Variants in UNC93A observed in about 807,000 individuals in gnomAD.
The protein encoded by UNC93A is N-acetylglucosamine transporter UNC93A.
UNC93A carries 43 observed loss-of-function variants against 47.5 expected under a neutral mutation model. The ratio of observed to expected loss-of-function variants is 0.91; its 90% confidence interval spans 0.71 to 1.17. The LOEUF is 1.17. Among genes scored for constraint, UNC93A ranks in the 50% most tolerant of loss-of-function variants. The probability of loss-of-function intolerance (pLI) is 0.00; values close to 1 mark genes in which losing one functional copy is unlikely to be tolerated. For missense variants in UNC93A, 605 were observed against 577.6 expected, an observed-to-expected ratio of 1.05 and a Z score of -0.49; for synonymous variants, 280 against 258.0, an observed-to-expected ratio of 1.09 and a Z score of -0.82.
intron 1 of UNC93A, among the ~76,000 whole-genome samples, chr6:167,285,952 CTCTCTCTCTA>C (rs1783721323): frequency 7.1e-6 from 1 of 140,756 alleles, no homozygotes; most frequent in African/African-American, 2.6e-5. Flanking sequence ...CTCTCTCTCT[CTCTCTCTCTA>C]TATATATATA....
In UNC93A at chr6:167,305,930, A is replaced by G; in HGVS notation, c.856A>G (p.Thr286Ala). ...SEYTRSYVTC[T>A]LGIQFVGYVM... Reference sequence around the variant, plus strand: ...CTCTCCCCAGTCCTATGTCACCTGCACCCTGGGCATCCAGTTCGTCGGCTA... The same window carrying G: ...CTCTCCCCAGTCCTATGTCACCTGCGCCCTGGGCATCCAGTTCGTCGGCTA... Residue 286 changes from threonine to alanine, a missense_variant, in exon 6 of 8, where the codon ACC becomes GCC. Transcript: ENST00000230256. 1 of 1,614,068 alleles carries G rather than the reference A, an allele frequency of 6.2e-7. No individual in the cohort carries two copies.
intron 7 of UNC93A, among the ~76,000 whole-genome samples, chr6:167,312,847 A>C (rs1778596616): frequency 6.6e-6 from 1 of 152,210 alleles, no homozygotes; most frequent in African/African-American, 2.4e-5. Flanking sequence ...TAAAATAGGA[A>C]CCAAATCTTG....
intron 6 of UNC93A, 75 bp from the exon 7 acceptor site, chr6:167,307,704 C>G (rs377058096): frequency 5.7e-4 from 856 of 1,512,802 alleles, no homozygotes; most frequent in Non-Finnish European, 7.1e-4. Context: ...TGCTCCAGCA[C>G]TGACCCACCT....
intron 1 of UNC93A, among the ~76,000 whole-genome samples, chr6:167,280,263 T>C (rs1308501590): frequency 1.3e-5 from 2 of 152,148 alleles, no homozygotes; most frequent in Non-Finnish European, 2.9e-5. Context: ...TGAGCTCAGA[T>C]GGTGCCTTCA....
intron 1 of UNC93A, among the ~76,000 whole-genome samples, chr6:167,281,853 C>T (rs1357867229): frequency 6.6e-6 from 1 of 152,148 alleles, no homozygotes; most frequent in African/African-American, 2.4e-5. Flanking sequence ...GACTCTCAGG[C>T]TCACCCCTTG....
At chr6:167,276,415 A>G (rs1422301924) in intron 1 of UNC93A, among the ~76,000 whole-genome samples, 1 of 152,090 alleles carries the variant, frequency 6.6e-6, no homozygotes. Context: ...GGTTTTTTTG[A>G]GGAATCTCCA....
Position 167,315,702 on chromosome 6 carries a change from A to C in UNC93A, c.*250A>C. ...ATTTAATTTTAGATGCAAAAGAAAAAGGTCTAACGTACAATCAGCCAATTA... is the reference window on the plus strand; with the variant it reads ...ATTTAATTTTAGATGCAAAAGAAAACGGTCTAACGTACAATCAGCCAATTA... On this transcript the variant is annotated 3_prime_UTR_variant, in exon 8 of 8. Coordinates refer to ENST00000230256, the MANE Select transcript of UNC93A (RefSeq NM_018974.4). 2.4e-6 allele frequency: 1 copy of C among 417,220 alleles called. No individual in the cohort carries two copies. The highest frequency in any genetic ancestry group is 4.2e-5 in the Admixed American group (1 of 23,696). The allele number at this position is 417,220 out of a possible 1,614,324, so 25.8% of individuals were successfully genotyped here.
chr6:167,299,134 A>AAAATG (rs1383850335), intron 4 of UNC93A, among the ~76,000 whole-genome samples: 40 of 97,032 alleles, frequency 4.1e-4, no homozygotes, highest in Non-Finnish European at 5.0e-4. Context: ...AAAAAAATAC[A>AAAATG]CACACACACA....
chr6:167,269,850 C>T (rs539213330), upstream of UNC93A, among the ~76,000 whole-genome samples: 195 of 152,124 alleles, frequency 1.3e-3, 2 homozygotes, highest in African/African-American at 4.5e-3. Flanking sequence ...CTCCTGACCT[C>T]GTGATCCACC....
At chr6:167,308,238 G>T (rs1053746912) in intron 7 of UNC93A, among the ~76,000 whole-genome samples, 2 of 152,142 alleles carry the variant, frequency 1.3e-5, no homozygotes, top group Non-Finnish European at 2.9e-5. Flanking sequence ...GTCTCTTCAT[G>T]ACTGAAAACC....
intron 3 of UNC93A, among the ~76,000 whole-genome samples, chr6:167,296,924 A>G (rs1448062797): frequency 2.0e-5 from 3 of 152,130 alleles, no homozygotes; most frequent in Non-Finnish European, 2.9e-5. Flanking sequence ...TATTTCTATC[A>G]CTTCATCAAG....
chr6:167,279,051 A>G (rs1199063878), intron 1 of UNC93A, among the ~76,000 whole-genome samples: 1 of 152,262 alleles, frequency 6.6e-6, no homozygotes, highest in Non-Finnish European at 1.5e-5. Context: ...ACACAGGCAG[A>G]TGATCAATTA....
intron 1 of UNC93A, among the ~76,000 whole-genome samples, chr6:167,277,322 G>C (rs896492779): frequency 6.6e-6 from 1 of 152,192 alleles, no homozygotes; most frequent in Non-Finnish European, 1.5e-5. Context: ...CTGCCTTGGC[G>C]ACCTACCCTT....
upstream of UNC93A, among the ~76,000 whole-genome samples, chr6:167,269,563 G>A (rs1464161025): frequency 1.3e-5 from 2 of 151,982 alleles, no homozygotes; most frequent in Admixed American, 1.3e-4. Flanking sequence ...GAAGGAAAAA[G>A]CTTTATATTT....
At chr6:167,295,435 GC>G (rs1778039406) in intron 2 of UNC93A, among the ~76,000 whole-genome samples, 2 of 42,318 alleles carry the variant, frequency 4.7e-5, no homozygotes, top group East Asian at 7.2e-4. Flanking sequence ...GTGATCCTCG[GC>G]CTCCCTCGTG....
intron 2 of UNC93A, among the ~76,000 whole-genome samples, chr6:167,295,771 G>A (rs574152431): frequency 6.6e-6 from 1 of 152,042 alleles, no homozygotes; most frequent in Non-Finnish European, 1.5e-5. Flanking sequence ...CTTGTTGTTT[G>A]CAATCGCATC....
intron 6 of UNC93A, among the ~76,000 whole-genome samples, chr6:167,306,940 A>G (rs951923756): frequency 2.6e-5 from 4 of 152,104 alleles, no homozygotes; most frequent in Admixed American, 6.5e-5. Flanking sequence ...TGGGGTCCCA[A>G]ATCTGTGACC....
intron 1 of UNC93A, among the ~76,000 whole-genome samples, chr6:167,285,938 TTCTCTCTCTCTCTC>T (rs138265267): frequency 1.5e-5 from 2 of 131,744 alleles, no homozygotes; most frequent in African/African-American, 5.9e-5. Context: ...TTAGTTTTCT[TTCTCTCTCTCTCTC>T]TCTCTCTCTA....
chr6:167,291,625 ATCCCT>A, intron 1 of UNC93A, 49 bp downstream of exon 1: 3 of 1,533,044 alleles, frequency 2.0e-6, no homozygotes, highest in Non-Finnish European at 2.7e-6. Context: ...GCCTCCAAGA[ATCCCT>A]GTGGTCACAG....
Sources: gnomAD v4.1 joint callset for allele counts (sites outside exome capture counted in the v4.1 genomes callset) on GRCh38, gnomAD v4.1.1 for gene constraint, MANE v1.5 for transcripts, NCBI Gene and HGNC (gene_info 2026-07-23, HGNC 2026-07-21) for gene names.